MYRIP: variants seen among roughly 807,000 people sequenced by gnomAD.
The protein encoded by MYRIP is myosin VIIA and Rab interacting protein.
MYRIP carries 49 observed loss-of-function variants against 98.0 expected under a neutral mutation model. The ratio of observed to expected loss-of-function variants is 0.50; its 90% CI spans 0.40 to 0.63. The LOEUF (loss-of-function observed/expected upper bound fraction) is 0.63. Among genes scored for constraint, MYRIP ranks in the 30% least tolerant of loss-of-function variants. The pLI is 0.00. For synonymous variants in MYRIP, 404 were observed against 409.5 expected, an observed-to-expected ratio of 0.99 and a Z score of 0.16; for missense variants, 1,004 against 1,058.2, an observed-to-expected ratio of 0.95 and a Z score of 0.71.
chr3:39,948,892 C>T (rs1944953134), intron 2 of MYRIP, among the ~76,000 whole-genome samples: 1 of 152,034 alleles, frequency 6.6e-6, no homozygotes, highest in South Asian at 2.1e-4. Flanking sequence ...AACAGAAGAT[C>T]TCAAAAGCAG....
At chr3:40,014,204 G>T (rs1284537989) in intron 2 of MYRIP, among the ~76,000 whole-genome samples, 1 of 152,134 alleles carries the variant, frequency 6.6e-6, no homozygotes, top group Non-Finnish European at 1.5e-5. Context: ...AATTATGAGT[G>T]ATTTGTAAAC....
intron 1 of MYRIP, among the ~76,000 whole-genome samples, chr3:39,858,635 T>A (rs1942374193): frequency 7.2e-6 from 1 of 138,400 alleles, no homozygotes; most frequent in South Asian, 2.1e-4. Context: ...AGATTATATG[T>A]TAGGCCACAA....
intron 10 of MYRIP, among the ~76,000 whole-genome samples, chr3:40,202,098 A>T (rs866492983): frequency 6.6e-6 from 1 of 152,210 alleles, no homozygotes; most frequent in African/African-American, 2.4e-5. Flanking sequence ...CTACTAAAAT[A>T]AAATCTAAAA....
At chr3:40,073,096 C>A (rs1948265652) in intron 3 of MYRIP, among the ~76,000 whole-genome samples, 1 of 152,106 alleles carries the variant, frequency 6.6e-6, no homozygotes, top group Non-Finnish European at 1.5e-5. Flanking sequence ...TGAGAAAATT[C>A]TGACTGGTTA....
chr3:40,099,894 T>C (rs996238600), intron 3 of MYRIP: 1 of 767,452 alleles, frequency 1.3e-6, no homozygotes, highest in Non-Finnish European at 1.6e-6. Context: ...ACCGGGCAGC[T>C]TTAAATGAGC....
chr3:40,169,120 G>A (rs1396306701), intron 7 of MYRIP, among the ~76,000 whole-genome samples: 1 of 152,208 alleles, frequency 6.6e-6, no homozygotes, highest in Non-Finnish European at 1.5e-5. Context: ...GGGACAGGGA[G>A]GCAGCACTGG....
At chr3:40,140,104 C>T (rs1199445906) in intron 3 of MYRIP, among the ~76,000 whole-genome samples, 1 of 152,108 alleles carries the variant, frequency 6.6e-6, no homozygotes, top group African/African-American at 2.4e-5. Context: ...AGTGGTGAGA[C>T]AAGATAGTGG....
intron 12 of MYRIP, chr3:40,242,498 A>G: frequency 7.9e-6 from 1 of 126,550 alleles, no homozygotes; most frequent in South Asian, 2.3e-4. Context: ...TTGGCAGGAA[A>G]AAAAAAAAAA....
At chr3:40,044,011 T>A (rs200712534) in intron 2 of MYRIP, 39 bp from the exon 3 acceptor site, 196 of 1,595,334 alleles carry the variant, frequency 1.2e-4, no homozygotes, top group Non-Finnish European at 1.5e-4. Flanking sequence ...GATGTTGTGT[T>A]TCTCTCCTCC....
intron 2 of MYRIP, among the ~76,000 whole-genome samples, chr3:39,989,211 T>C (rs185671047): frequency 3.0e-4 from 46 of 152,262 alleles, no homozygotes; most frequent in Non-Finnish European, 5.1e-4. Flanking sequence ...TGGGGACTTT[T>C]TATTGTTGAT....
At chr3:39,946,593 C>T (rs867545686) in intron 2 of MYRIP, among the ~76,000 whole-genome samples, 2 of 152,184 alleles carry the variant, frequency 1.3e-5, no homozygotes, top group Middle Eastern at 3.4e-3. Flanking sequence ...AGAATAGTCC[C>T]CAGCCAACAG....
chr3:39,883,114 A>G (rs1194587747), intron 1 of MYRIP, among the ~76,000 whole-genome samples: 1 of 152,182 alleles, frequency 6.6e-6, no homozygotes, highest in Non-Finnish European at 1.5e-5. Flanking sequence ...CTGCACTTTG[A>G]GGAAACAGCA....
intron 2 of MYRIP, among the ~76,000 whole-genome samples, chr3:39,965,638 T>G (rs190584686): frequency 6.6e-5 from 10 of 152,236 alleles, no homozygotes; most frequent in Non-Finnish European, 1.5e-4. Context: ...ATGAGTCAGG[T>G]CATCAGAAAG....
chr3:40,187,256 G>T (rs934600933), intron 9 of MYRIP, among the ~76,000 whole-genome samples: 4 of 152,122 alleles, frequency 2.6e-5, no homozygotes, highest in African/African-American at 9.7e-5. Flanking sequence ...AGCCAAAGGT[G>T]GGTCACACTG....
intron 3 of MYRIP, among the ~76,000 whole-genome samples, chr3:40,113,684 T>TTTTG (rs1234067955): frequency 2.6e-5 from 4 of 152,104 alleles, no homozygotes; most frequent in African/African-American, 9.7e-5. Context: ...GAGTTTACTT[T>TTTTG]TTTGTTTGTT....
intron 1 of MYRIP, among the ~76,000 whole-genome samples, chr3:39,884,692 C>T (rs1943241384): frequency 6.6e-6 from 1 of 152,002 alleles, no homozygotes; most frequent in Non-Finnish European, 1.5e-5. Flanking sequence ...TTGTACTTAA[C>T]CCTTTAAATA....
At chr3:40,257,354 T>G (rs776053249) in intron 16 of MYRIP, among the ~76,000 whole-genome samples, 109 of 152,284 alleles carry the variant, frequency 7.2e-4, no homozygotes, top group Non-Finnish European at 1.8e-4. Context: ...AGGTAGGTTT[T>G]GTGGGAATGC....
chr3:39,931,274 TA>T (rs1944530444), intron 2 of MYRIP, among the ~76,000 whole-genome samples: 1 of 152,026 alleles, frequency 6.6e-6, no homozygotes. Context: ...TATACTCAGG[TA>T]TTTTTTTTCT....
intron 1 of MYRIP, chr3:39,810,469 TGGC>T (rs1273639132): frequency 6.5e-6 from 1 of 152,932 alleles, no homozygotes; most frequent in African/African-American, 2.4e-5. Context: ...GGAGAGCTGT[TGGC>T]GGGGCGGTCA....
Sources: allele counts gnomAD v4.1 joint callset (sites outside exome capture counted in the v4.1 genomes callset), GRCh38; gene constraint gnomAD v4.1.1; transcripts MANE v1.5; gene names NCBI Gene and HGNC (gene_info 2026-07-23, HGNC 2026-07-21).